The following ZBTB7C variants were observed in gnomAD, a reference collection of about 807,000 sequenced individuals.
ZBTB7C encodes zinc finger and BTB domain-containing protein 7C.
A neutral mutation model predicts 25.7 loss-of-function variants in ZBTB7C; 8 were observed. The observed-to-expected ratio is 0.31, with a 90% CI of 0.18 to 0.56. ZBTB7C has a LOEUF of 0.56. Ranked by LOEUF, ZBTB7C falls within the 20% of genes least tolerant of loss-of-function variation. The probability of loss-of-function intolerance (pLI) is 0.91; values close to 1 mark genes in which losing one functional copy is unlikely to be tolerated. For synonymous variants in ZBTB7C, 394 were observed against 369.0 expected (o/e 1.07, Z -0.78); for missense variants, 824 against 855.2 (o/e 0.96, Z 0.46).
intron 3 of ZBTB7C, among the ~76,000 whole-genome samples, chr18:48,183,541 T>C (rs993447744): frequency 2.0e-5 from 3 of 152,166 alleles, no homozygotes; most frequent in African/African-American, 7.2e-5. Flanking sequence ...ATACCTATAC[T>C]CCCAAAATAC....
chr18:48,230,267 G>A (rs1359427257), intron 2 of ZBTB7C, among the ~76,000 whole-genome samples: 2 of 152,138 alleles, frequency 1.3e-5, no homozygotes, highest in Non-Finnish European at 2.9e-5. Flanking sequence ...CCCTGTTCAG[G>A]GATTCTTGCT....
At chr18:48,328,522 C>G (rs2144895545) in intron 2 of ZBTB7C, among the ~76,000 whole-genome samples, 1 of 152,146 alleles carries the variant, frequency 6.6e-6, no homozygotes, top group East Asian at 1.9e-4. Flanking sequence ...TACTATATAC[C>G]TGGTTGGGCT....
At chr18:48,079,052 T>C (rs2037880651) in intron 3 of ZBTB7C, among the ~76,000 whole-genome samples, 1 of 152,234 alleles carries the variant, frequency 6.6e-6, no homozygotes, top group African/African-American at 2.4e-5. Context: ...TTTTCATTTA[T>C]TTTGGGTATA....
At chr18:48,178,278 G>C (rs1049128573) in intron 3 of ZBTB7C, among the ~76,000 whole-genome samples, 1 of 152,198 alleles carries the variant, frequency 6.6e-6, no homozygotes, top group African/African-American at 2.4e-5. Flanking sequence ...CTGCACGGGA[G>C]GCCCCACATT....
At chr18:48,403,307 T>C (rs1222901146) in intron 1 of ZBTB7C, among the ~76,000 whole-genome samples, 1 of 152,212 alleles carries the variant, frequency 6.6e-6, no homozygotes, top group Non-Finnish European at 1.5e-5. Flanking sequence ...TCCATCTACC[T>C]AAGCCAACCA....
At chr18:48,243,247 G>C (rs1395355157) in intron 2 of ZBTB7C, among the ~76,000 whole-genome samples, 3 of 122,130 alleles carry the variant, frequency 2.5e-5, no homozygotes, top group East Asian at 5.4e-4. Flanking sequence ...TTAGCTGACA[G>C]AGCAAGACTC....
intron 3 of ZBTB7C, among the ~76,000 whole-genome samples, chr18:48,084,663 G>GC (rs1346280852): frequency 2.0e-5 from 3 of 152,162 alleles, no homozygotes; most frequent in Non-Finnish European, 4.4e-5. Flanking sequence ...ACCCAGTGTG[G>GC]CCCAGCCTGG....
At chr18:48,394,717 G>T (rs559587015) in intron 1 of ZBTB7C, among the ~76,000 whole-genome samples, 1 of 152,214 alleles carries the variant, frequency 6.6e-6, no homozygotes, top group African/African-American at 2.4e-5. Flanking sequence ...GCAAAAATTA[G>T]CCAGGTTCTA....
intron 2 of ZBTB7C, among the ~76,000 whole-genome samples, chr18:48,329,969 C>T (rs1451213884): frequency 1.3e-5 from 2 of 152,212 alleles, no homozygotes; most frequent in African/African-American, 4.8e-5. Flanking sequence ...CTCAGGGAGA[C>T]TGTCACCTTC....
At chr18:48,300,541 T>G (rs1804061734) in intron 2 of ZBTB7C, among the ~76,000 whole-genome samples, 1 of 152,120 alleles carries the variant, frequency 6.6e-6, no homozygotes, top group Non-Finnish European at 1.5e-5. Flanking sequence ...AGGTCGTTTT[T>G]TTACTCTTGC....
intron 2 of ZBTB7C, among the ~76,000 whole-genome samples, chr18:48,241,697 A>G (rs896423546): frequency 1.3e-5 from 2 of 152,228 alleles, no homozygotes; most frequent in Non-Finnish European, 2.9e-5. Flanking sequence ...TCTGAGATAC[A>G]GCAAAAGCAG....
rs113995554 is a variant in ZBTB7C at position 48,114,180 on chromosome 18, G to T, written c.-17+71754C>A. The stretch of plus-strand genomic sequence containing the variant: ...GTGGGGACACTGGGAACTGATGGAT[G>T]GGTGGGAGAGTGAAAATGGCTACCA... On this transcript the variant is annotated intron_variant, in intron 3 of 4. Transcript: ENST00000590800. 5.0e-3 allele frequency among the ~76,000 whole-genome samples: 754 copies of T among 152,298 alleles called. 5 individuals are homozygous for T. Among genetic ancestry groups the T allele is most frequent in the African/African-American group, 0.017 (720 of 41,554 alleles).
At chr18:48,410,573 G>C (rs1222384843), upstream of ZBTB7C, 1 of 152,518 alleles carries the variant, frequency 6.6e-6, no homozygotes, top group African/African-American at 2.4e-5. Flanking sequence ...AGGAGGAAGG[G>C]TCCTGGCCCT....
chr18:48,366,302 T>C (rs1377495574), intron 1 of ZBTB7C, among the ~76,000 whole-genome samples: 1 of 152,162 alleles, frequency 6.6e-6, no homozygotes, highest in Non-Finnish European at 1.5e-5. Context: ...ATGACATGTA[T>C]GAAAGACCTA....
chr18:48,135,068 GCTTCCCAGGCTC>G (rs754710430), intron 3 of ZBTB7C, among the ~76,000 whole-genome samples: 1 of 151,990 alleles, frequency 6.6e-6, no homozygotes, highest in African/African-American at 2.4e-5. Flanking sequence ...CAACAGCAAT[GCTTCCCAGGCTC>G]CTTCCCAGGC....
chr18:48,216,916 G>A (rs576355123), intron 2 of ZBTB7C, among the ~76,000 whole-genome samples: 10 of 152,268 alleles, frequency 6.6e-5, no homozygotes, highest in Admixed American at 2.6e-4. Context: ...AGGTCATACC[G>A]GATGAGAGTA....
intron 4 of ZBTB7C, among the ~76,000 whole-genome samples, chr18:48,035,679 AGTGTCC>A (rs749868546): frequency 1.6e-4 from 25 of 152,262 alleles, no homozygotes; most frequent in Non-Finnish European, 1.3e-4. Flanking sequence ...CAAGCATAGC[AGTGTCC>A]CTGTGCATGA....
At chr18:48,272,579 C>T (rs1480568794) in intron 2 of ZBTB7C, among the ~76,000 whole-genome samples, 2 of 152,184 alleles carry the variant, frequency 1.3e-5, no homozygotes, top group Non-Finnish European at 2.9e-5. Flanking sequence ...GGTGCAGTCA[C>T]TTTGGGAAAG....
intron 2 of ZBTB7C, among the ~76,000 whole-genome samples, chr18:48,275,813 A>C (rs558427576): frequency 1.6e-4 from 25 of 152,196 alleles, no homozygotes; most frequent in Non-Finnish European, 3.1e-4. Context: ...CCCCATTTAA[A>C]ATCAATGAAA....
Sources: allele counts gnomAD v4.1 joint callset (sites outside exome capture counted in the v4.1 genomes callset), GRCh38; gene constraint gnomAD v4.1.1; transcripts MANE v1.5; gene names NCBI Gene and HGNC (gene_info 2026-07-23, HGNC 2026-07-21).